Variants in ADCY2 observed in about 807,000 individuals in gnomAD.
The protein encoded by ADCY2 is adenylate cyclase 2.
In ADCY2, 31 loss-of-function variants were observed where a neutral mutation model predicts 125.2. That is an observed-to-expected ratio of 0.25 (90% CI 0.19 to 0.33). The LOEUF is 0.33. Ranked by LOEUF, ADCY2 falls within the 10% of genes least tolerant of loss-of-function variation. ADCY2 has a pLI of 1.00. For missense variants in ADCY2, 904 were observed against 1,418.2 expected (o/e 0.64, Z 5.82); for synonymous variants, 512 against 548.4 (o/e 0.93, Z 0.93).
intron 2 of ADCY2, among the ~76,000 whole-genome samples, chr5:7,511,033 T>A (rs966613994): frequency 1.3e-5 from 2 of 152,130 alleles, no homozygotes; most frequent in African/African-American, 4.8e-5. Context: ...GTCAGCCTCC[T>A]TGGGGCTTCC....
intron 3 of ADCY2, among the ~76,000 whole-genome samples, chr5:7,546,350 C>A (rs1280525745): frequency 6.6e-6 from 1 of 152,218 alleles, no homozygotes; most frequent in Non-Finnish European, 1.5e-5. Flanking sequence ...GGCTTCCTAT[C>A]TGGAGCAAGC....
chr5:7,567,456 T>C (rs537458804), intron 3 of ADCY2, among the ~76,000 whole-genome samples: 72 of 152,366 alleles, frequency 4.7e-4, no homozygotes, highest in Middle Eastern at 6.8e-3. Flanking sequence ...TGACATTTTC[T>C]TCAAGGGCTG....
At position 7,505,889 on chromosome 5, in the gene ADCY2, A is replaced by G. The variant is rs1267773682; in HGVS notation, c.409-14849A>G. On this transcript the variant is annotated intron_variant, in intron 2 of 24. Transcript: ENST00000338316. ...TCAGATTAAATAAATTTAATGTTTCAAAAGAATATGGACATGAATATTCAT... is the reference window on the plus strand; with the variant it reads ...TCAGATTAAATAAATTTAATGTTTCGAAAGAATATGGACATGAATATTCAT... Among the ~76,000 whole-genome samples the G allele has an allele frequency of 2.6e-5, 4 of 152,230 alleles. No individual in the cohort carries two copies. In the East Asian group the frequency reaches 7.7e-4, roughly 29 times the overall value.
At chr5:7,457,756 G>A (rs956229120) in intron 2 of ADCY2, among the ~76,000 whole-genome samples, 6 of 152,100 alleles carry the variant, frequency 3.9e-5, no homozygotes, top group African/African-American at 1.4e-4. Flanking sequence ...TCAAGAGTGG[G>A]GACCAAAACG....
At chr5:7,757,389 G>T in intron 15 of ADCY2, 60 bp from the exon 16 acceptor site, 2 of 1,577,866 alleles carry the variant, frequency 1.3e-6, no homozygotes, top group Non-Finnish European at 8.6e-7. Flanking sequence ...TTGTCATCAA[G>T]AAACTGGAGA....
At chr5:7,521,072 A>G (rs932831754) in intron 3 of ADCY2, among the ~76,000 whole-genome samples, 173 bp downstream of exon 3, 3 of 152,204 alleles carry the variant, frequency 2.0e-5, no homozygotes. Flanking sequence ...CTCCACTGCC[A>G]TTGGTGGGAT....
At chr5:7,575,382 T>G (rs1736215516) in intron 3 of ADCY2, among the ~76,000 whole-genome samples, 1 of 152,146 alleles carries the variant, frequency 6.6e-6, no homozygotes, top group Non-Finnish European at 1.5e-5. Flanking sequence ...TTTATTTAAA[T>G]GTAAGAAAGA....
chr5:7,557,182 T>TA (rs56204377), intron 3 of ADCY2, among the ~76,000 whole-genome samples: 1 of 144,924 alleles, frequency 6.9e-6, no homozygotes, highest in African/African-American at 2.7e-5. Flanking sequence ...ATCACACATA[T>TA]TATATATGTG....
rs558376315 is a variant in ADCY2, at chr5:7,555,651, A to G, written c.570+34752A>G. Among the ~76,000 whole-genome samples the G allele has an allele frequency of 2.2e-3, 332 of 152,328 alleles. 1 individual carries two copies. Among genetic ancestry groups the G allele is most frequent in the Middle Eastern group, 0.01 (3 of 294 alleles). The stretch of plus-strand genomic sequence containing the variant: ...AGGGTTAGGTACTTTCGAAGCATGT[A>G]TAATTTATTTTAGGAATATGACATT... On this transcript the variant is annotated intron_variant, in intron 3 of 24. Transcript: ENST00000338316.
chr5:7,599,783 G>A (rs1003266788), intron 3 of ADCY2, among the ~76,000 whole-genome samples: 2 of 152,160 alleles, frequency 1.3e-5, no homozygotes, highest in Non-Finnish European at 2.9e-5. Flanking sequence ...AGATCTCAAA[G>A]TGCAGTATGG....
intron 2 of ADCY2, among the ~76,000 whole-genome samples, chr5:7,459,596 G>A (rs772900690): frequency 3.3e-5 from 5 of 151,976 alleles, no homozygotes; most frequent in Admixed American, 6.6e-5. Context: ...TTGAAGAGTC[G>A]TTGGGATCAG....
Position 7,396,339 on chromosome 5 carries a change from C to G in ADCY2, c.43C>G (p.Arg15Gly), listed in dbSNP as rs761453485. The G allele has an allele frequency of 7.8e-6, 12 of 1,530,124 alleles. No individual in the cohort carries two copies. 94.8% of individuals were successfully genotyped at this position (1,530,124 alleles called of 1,614,324 possible). The change falls in exon 1 of 25, where the codon CGC (arginine) becomes GGC (glycine). Residue 15 changes from arginine (R) to glycine (G), a missense_variant. Arg to Gly is a moderately radical substitution (Grantham distance 125). This residue lies in a region of ADCY2 where 113 missense variants were observed against 108.0 expected (regional missense o/e 1.05). Transcript: ENST00000338316. The surrounding 1 kb of genome is among the most constrained non-coding windows in gnomAD (Gnocchi z 5.7). ...GCGGCGCCGCCGCTACCTGCGGGACCGCTCCGAGGAGGCGGCGGGCGGCGG... is the reference window on the plus strand; with the variant it reads ...GCGGCGCCGCCGCTACCTGCGGGACGGCTCCGAGGAGGCGGCGGGCGGCGG... Reference protein sequence around the residue: ...AMRRRRYLRDRSEEAAGGGDG... With the variant: ...AMRRRRYLRDGSEEAAGGGDG...
chr5:7,646,779 C>T (rs17829118), intron 4 of ADCY2, among the ~76,000 whole-genome samples: 31,811 of 152,142 alleles, frequency 0.21, 4,423 homozygotes, highest in Non-Finnish European at 0.31. Context: ...ATAAATATAA[C>T]GAATTTCACA....
chr5:7,440,054 C>T (rs1036217783), intron 2 of ADCY2, among the ~76,000 whole-genome samples: 4 of 152,084 alleles, frequency 2.6e-5, no homozygotes, highest in African/African-American at 4.8e-5. Flanking sequence ...AGGAGAAGTT[C>T]CAGCTATGTG....
At chr5:7,526,024 C>A (rs1056210673) in intron 3 of ADCY2, among the ~76,000 whole-genome samples, 1 of 152,046 alleles carries the variant, frequency 6.6e-6, no homozygotes, top group Non-Finnish European at 1.5e-5. Context: ...AGCTCTGATA[C>A]CCCTTGCGTG....
chr5:7,513,757 T>C (rs1744162968), intron 2 of ADCY2, among the ~76,000 whole-genome samples: 1 of 152,252 alleles, frequency 6.6e-6, no homozygotes, highest in Admixed American at 6.5e-5. Context: ...TTGGAAGGTA[T>C]AATTCCTGTG....
At chr5:7,733,303 A>G (rs985181321) in intron 14 of ADCY2, among the ~76,000 whole-genome samples, 1 of 152,244 alleles carries the variant, frequency 6.6e-6, no homozygotes, top group Non-Finnish European at 1.5e-5. Context: ...ACTCAATACT[A>G]GAGGTGGTAA....
intron 2 of ADCY2, among the ~76,000 whole-genome samples, chr5:7,518,959 A>G (rs1041518799): frequency 1.3e-5 from 2 of 152,152 alleles, no homozygotes; most frequent in African/African-American, 4.8e-5. Flanking sequence ...GGAGCTTCAC[A>G]CAGGCTTGCA....
intron 24 of ADCY2, among the ~76,000 whole-genome samples, chr5:7,825,243 G>GCC (rs1745437194): frequency 6.6e-6 from 1 of 151,728 alleles, no homozygotes; most frequent in African/African-American, 2.4e-5. Flanking sequence ...GCTGCTGTGT[G>GCC]ACATGACAAC....
Sources: gnomAD v4.1 joint callset for allele counts (sites outside exome capture counted in the v4.1 genomes callset) on GRCh38, gnomAD v4.1.1 for gene constraint, gnomAD v4.1.1 regional missense constraint, Gnocchi (gnomAD v3.1) non-coding constraint, MANE v1.5 for transcripts, NCBI Gene and HGNC (gene_info 2026-07-23, HGNC 2026-07-21) for gene names.